The following SYN3 variants were observed in gnomAD, a reference collection of about 807,000 sequenced individuals.
The protein encoded by SYN3 is synapsin-3.
SYN3 carries 35 observed loss-of-function variants against 65.8 expected under a neutral mutation model. That is an observed-to-expected ratio of 0.53 (90% CI 0.41 to 0.70). The LOEUF (loss-of-function observed/expected upper bound fraction) is 0.70, where lower values mean the gene tolerates loss of function less well. Among genes scored for constraint, SYN3 ranks in the 30% least tolerant of loss-of-function variants. The pLI is 0.00. For synonymous variants in SYN3, 270 were observed against 292.9 expected, an observed-to-expected ratio of 0.92 and a Z score of 0.80; for missense variants, 680 against 749.0, an observed-to-expected ratio of 0.91 and a Z score of 1.08.
chr22:32,969,080 T>C (rs529100908), intron 3 of SYN3, among the ~76,000 whole-genome samples: 4 of 152,300 alleles, frequency 2.6e-5, no homozygotes, highest in African/African-American at 7.2e-5. Context: ...CTGATGCTGA[T>C]GAAGTGGTGT....
intron 4 of SYN3, among the ~76,000 whole-genome samples, chr22:32,876,862 A>C (rs1171561258): frequency 3.3e-5 from 5 of 152,210 alleles, no homozygotes; most frequent in African/African-American, 7.2e-5. Context: ...TTCTTTTGAA[A>C]ATTTCCATTT....
At chr22:32,883,883 T>C (rs1353833747) in intron 4 of SYN3, among the ~76,000 whole-genome samples, 2 of 152,206 alleles carry the variant, frequency 1.3e-5, no homozygotes, top group Non-Finnish European at 2.9e-5. Context: ...AGAGTGGTAG[T>C]AGAATCTTGG....
intron 7 of SYN3, among the ~76,000 whole-genome samples, chr22:32,562,289 C>A (rs1341729128): frequency 1.3e-5 from 2 of 152,244 alleles, no homozygotes; most frequent in African/African-American, 4.8e-5. Flanking sequence ...CCTTTCCCAC[C>A]TTCATTGCAT....
At chr22:33,043,365 T>C (rs895131425) in intron 1 of SYN3, among the ~76,000 whole-genome samples, 4 of 152,024 alleles carry the variant, frequency 2.6e-5, no homozygotes, top group Non-Finnish European at 4.4e-5. Context: ...CTGGCCAACA[T>C]GGCGAAACCC....
At chr22:32,768,577 T>C (rs1053783382) in intron 6 of SYN3, among the ~76,000 whole-genome samples, 1 of 152,206 alleles carries the variant, frequency 6.6e-6, no homozygotes, top group Non-Finnish European at 1.5e-5. Context: ...GTGTATCCCA[T>C]GGGCATTTCA....
At chr22:32,520,425 C>T (rs535509487) in intron 12 of SYN3, among the ~76,000 whole-genome samples, 1 of 152,100 alleles carries the variant, frequency 6.6e-6, no homozygotes, top group Non-Finnish European at 1.5e-5. Flanking sequence ...GTGTGAGCCA[C>T]TGTGCTTGGC....
At chr22:32,991,066 C>T (rs2052699633) in intron 2 of SYN3, among the ~76,000 whole-genome samples, 1 of 152,040 alleles carries the variant, frequency 6.6e-6, no homozygotes, top group Admixed American at 6.5e-5. Context: ...GCCTGTAGTC[C>T]CAGCTACTCA....
chr22:32,675,979 A>C (rs1266853644), intron 6 of SYN3, among the ~76,000 whole-genome samples: 1 of 151,588 alleles, frequency 6.6e-6, no homozygotes, highest in Non-Finnish European at 1.5e-5. Context: ...GACATTGTTC[A>C]GCTCTCATCC....
At chr22:32,521,922 C>G (rs2057891454) in intron 12 of SYN3, among the ~76,000 whole-genome samples, 1 of 152,176 alleles carries the variant, frequency 6.6e-6, no homozygotes, top group Non-Finnish European at 1.5e-5. Context: ...TTTGTTGAGT[C>G]CCTATCATAT....
chr22:32,693,732 C>T (rs200230176), intron 6 of SYN3, among the ~76,000 whole-genome samples: 5,249 of 151,266 alleles, frequency 0.035, 112 homozygotes, highest in African/African-American at 0.064. Context: ...GCTGGAATTA[C>T]AGGTGTGAGC....
At chr22:32,846,550 C>T (rs1314397889) in intron 6 of SYN3, among the ~76,000 whole-genome samples, 1 of 152,188 alleles carries the variant, frequency 6.6e-6, no homozygotes, top group Non-Finnish European at 1.5e-5. Context: ...ACCCTCACAG[C>T]AACTTTATGA....
chr22:32,522,377 C>G (rs1165746950), intron 12 of SYN3, among the ~76,000 whole-genome samples: 1 of 152,122 alleles, frequency 6.6e-6, no homozygotes, highest in Non-Finnish European at 1.5e-5. Flanking sequence ...ATGTTTTACT[C>G]TGGGCCAGAG....
chr22:33,005,040 C>T (rs86666), intron 2 of SYN3, among the ~76,000 whole-genome samples: 103,623 of 152,056 alleles, frequency 0.68, 35,757 homozygotes, highest in Middle Eastern at 0.73. Context: ...CCCCCTTCAC[C>T]TGGCACTCAT....
chr22:32,717,996 G>A (rs1477617069), intron 6 of SYN3, among the ~76,000 whole-genome samples: 2 of 152,172 alleles, frequency 1.3e-5, no homozygotes, highest in Non-Finnish European at 2.9e-5. Context: ...ATCCAATCAC[G>A]TCAAGCCCAG....
In SYN3 at chr22:33,052,675, C is replaced by A. The variant is rs548623016; in HGVS notation, c.-163+5617G>T. On this transcript the variant is annotated intron_variant, in intron 1 of 13. Transcript: ENST00000358763. ...AGCTCTGCTCCTCAAATAGCTGAAG[C>A]AAGAGAAACAATACACTTAACCAAT... Among the ~76,000 whole-genome samples, 4 of 152,142 alleles carry A rather than the reference C, an allele frequency of 2.6e-5. No individual in the cohort carries two copies. In the South Asian group the frequency reaches 8.3e-4, roughly 32 times the overall value.
intron 6 of SYN3, among the ~76,000 whole-genome samples, chr22:32,696,528 A>G (rs2060738884): frequency 6.6e-6 from 1 of 152,214 alleles, no homozygotes; most frequent in African/African-American, 2.4e-5. Context: ...GGAGTACAGT[A>G]AACATCTTTT....
intron 4 of SYN3, among the ~76,000 whole-genome samples, chr22:32,873,450 C>A (rs1357627113): frequency 2.6e-5 from 4 of 152,112 alleles, no homozygotes; most frequent in Non-Finnish European, 5.9e-5. Flanking sequence ...GTATTCCAGG[C>A]AGGGGGAAGG....
At chr22:32,538,326 G>A (rs1209665871) in intron 8 of SYN3, among the ~76,000 whole-genome samples, 3 of 152,084 alleles carry the variant, frequency 2.0e-5, no homozygotes, top group African/African-American at 7.2e-5. Context: ...CCTAGGTATT[G>A]TTTTCTAAGT....
In SYN3 at chr22:32,892,981, AG is replaced by A. The variant is rs1037581796; in HGVS notation, c.462-23857del. 2.6e-5 allele frequency among the ~76,000 whole-genome samples: 4 copies of A among 152,210 alleles called. No individual in the cohort carries two copies. In the East Asian group the frequency reaches 7.7e-4, roughly 29 times the overall value. On this transcript the variant is annotated intron_variant, in intron 4 of 13. Transcript: ENST00000358763. ...GAGAAGCTTGGGAGAAGAAGAAACC[AG>A]GAAATGCCCAAGAATTCTGATAGTC...
Sources: allele counts gnomAD v4.1 joint callset (sites outside exome capture counted in the v4.1 genomes callset), GRCh38; gene constraint gnomAD v4.1.1; transcripts MANE v1.5; gene names NCBI Gene and HGNC (gene_info 2026-07-23, HGNC 2026-07-21).